Variants in ST3GAL3 observed in about 807,000 individuals in gnomAD.
ST3GAL3 encodes CMP-N-acetylneuraminate-beta-1,4-galactoside alpha-2,3-sialyltransferase.
A neutral mutation model predicts 50.1 loss-of-function variants in ST3GAL3; 21 were observed. That is an observed-to-expected ratio of 0.42 (90% CI 0.30 to 0.60). The LOEUF is 0.60. Among genes scored for constraint, ST3GAL3 ranks in the 20% least tolerant of loss-of-function variants. The probability of loss-of-function intolerance (pLI) is 0.19; values close to 1 mark genes in which losing one functional copy is unlikely to be tolerated. For missense variants in ST3GAL3, 353 were observed against 489.4 expected, an observed-to-expected ratio of 0.72 and a Z score of 2.63; for synonymous variants, 183 against 190.0, an observed-to-expected ratio of 0.96 and a Z score of 0.30.
intron 11 of ST3GAL3, among the ~76,000 whole-genome samples, chr1:43,926,050 T>C (rs2485991): frequency 0.17 from 25,490 of 152,056 alleles, 2,686 homozygotes; most frequent in African/African-American, 0.29. Flanking sequence ...TCTCTCAGGA[T>C]GCTTGGAAGA....
At position 43,794,836 on chromosome 1, in the gene ST3GAL3, C is replaced by A. The variant is rs183525118; in HGVS notation, c.166+2687C>A. On this transcript the variant is annotated intron_variant, in intron 3 of 11. Transcript: ENST00000347631. ...CAAAACAGTACATACTGTGTTTATC[C>A]TTTCATAAAAAGTTCAAAAACAAAT... is the stretch of plus-strand genomic sequence containing the variant. Among the ~76,000 whole-genome samples the A allele has an allele frequency of 3.1e-3, 474 of 152,144 alleles. 2 individuals carry two copies. Among genetic ancestry groups the A allele is most frequent in the Non-Finnish European group, 5.6e-3 (380 of 67,990 alleles).
intron 2 of ST3GAL3, among the ~76,000 whole-genome samples, chr1:43,741,421 G>T (rs886243699): frequency 1.3e-5 from 2 of 152,160 alleles, no homozygotes; most frequent in Admixed American, 6.5e-5. Flanking sequence ...ATTTATAAAA[G>T]ATTATAACCA....
intron 1 of ST3GAL3, among the ~76,000 whole-genome samples, chr1:43,714,654 A>G (rs907245816): frequency 6.6e-6 from 1 of 152,142 alleles, no homozygotes; most frequent in African/African-American, 2.4e-5. Flanking sequence ...TTTATATGGC[A>G]TTTAGCTATT....
chr1:43,710,042 G>C (rs547773355), intron 1 of ST3GAL3, among the ~76,000 whole-genome samples: 34 of 152,030 alleles, frequency 2.2e-4, no homozygotes, highest in African/African-American at 8.2e-4. Flanking sequence ...TTTTTGGTTG[G>C]GTGCCAGGTC....
At chr1:43,757,815 C>G (rs1688673124) in intron 2 of ST3GAL3, among the ~76,000 whole-genome samples, 1 of 151,930 alleles carries the variant, frequency 6.6e-6, no homozygotes, top group Non-Finnish European at 1.5e-5. Flanking sequence ...GCTCTTTAAA[C>G]AACACTGTTA....
At chr1:43,749,776 A>C (rs1685304100) in intron 2 of ST3GAL3, among the ~76,000 whole-genome samples, 1 of 152,244 alleles carries the variant, frequency 6.6e-6, no homozygotes, top group Non-Finnish European at 1.5e-5. Context: ...TGATTGGGTC[A>C]TGAGTGCTCT....
chr1:43,735,176 A>T (rs1023757199), intron 1 of ST3GAL3, among the ~76,000 whole-genome samples: 11 of 152,186 alleles, frequency 7.2e-5, no homozygotes, highest in African/African-American at 2.7e-4. Context: ...TGAGAATTGA[A>T]TGAAAGCTAT....
At chr1:43,846,354 T>A (rs1163052439) in intron 5 of ST3GAL3, among the ~76,000 whole-genome samples, 1 of 152,196 alleles carries the variant, frequency 6.6e-6, no homozygotes, top group Non-Finnish European at 1.5e-5. Context: ...TCCCTTTTTC[T>A]TATTGATAGT....
At chr1:43,748,218 A>G (rs769360944) in intron 2 of ST3GAL3, among the ~76,000 whole-genome samples, 1 of 152,176 alleles carries the variant, frequency 6.6e-6, no homozygotes, top group Non-Finnish European at 1.5e-5. Context: ...AGAAAATAAG[A>G]TTAAACAACA....
At chr1:43,851,550 T>G in intron 5 of ST3GAL3, 5 of 1,584,760 alleles carry the variant, frequency 3.2e-6, no homozygotes, top group African/African-American at 2.7e-5. Context: ...GCCTAGGGCC[T>G]CCAAAACTGC....
At position 43,797,260 on chromosome 1, in the gene ST3GAL3, G is replaced by C. The variant is rs2058783496; in HGVS notation, c.166+5111G>C. Among the ~76,000 whole-genome samples, 3 of 152,118 alleles carry C rather than the reference G, an allele frequency of 2.0e-5. No individual in the cohort carries two copies. In the South Asian group the frequency reaches 6.2e-4, roughly 32 times the overall value. On this transcript the variant is annotated intron_variant, in intron 3 of 11. Transcript: ENST00000347631. ...GAAGGTCTTAGCAAACAAAAAAAGA[G>C]GAAGAAAATATAAAGAAGAACCAAA... is the stretch of plus-strand genomic sequence containing the variant.
At chr1:43,747,725 C>T (rs796441488) in intron 2 of ST3GAL3, among the ~76,000 whole-genome samples, 7 of 151,714 alleles carry the variant, frequency 4.6e-5, no homozygotes, top group African/African-American at 7.3e-5. Flanking sequence ...GGATTACAGG[C>T]GCCCACCACC....
At chr1:43,832,104 G>A (rs945886747) in intron 4 of ST3GAL3, among the ~76,000 whole-genome samples, 26 of 152,300 alleles carry the variant, frequency 1.7e-4, no homozygotes, top group African/African-American at 6.3e-4. Context: ...AGTCACAGCA[G>A]ATCTCTGGTG....
intron 4 of ST3GAL3, among the ~76,000 whole-genome samples, chr1:43,816,540 G>A (rs2061269694): frequency 6.6e-6 from 1 of 152,172 alleles, no homozygotes; most frequent in Admixed American, 6.5e-5. Flanking sequence ...CCGTAAGCAA[G>A]TGAAATGCCA....
intron 2 of ST3GAL3, among the ~76,000 whole-genome samples, chr1:43,747,058 G>A (rs539477239): frequency 1.4e-4 from 21 of 152,022 alleles, no homozygotes; most frequent in African/African-American, 4.3e-4. Context: ...GAGCCACTGC[G>A]CCTGGCCTAA....
chr1:43,797,980 T>G (rs2058874822), intron 3 of ST3GAL3, among the ~76,000 whole-genome samples: 1 of 152,226 alleles, frequency 6.6e-6, no homozygotes, highest in East Asian at 1.9e-4. Context: ...ACATAGCAGC[T>G]TCCCGAAACC....
rs1231033011 is a variant in ST3GAL3 at position 43,899,905 on chromosome 1, G to A, written c.744+178G>A. 1.3e-5 allele frequency among the ~76,000 whole-genome samples: 2 copies of A among 152,098 alleles called. No homozygotes were observed. The highest frequency in any genetic ancestry group is 2.4e-5 in the African/African-American group (1 of 41,404). The stretch of plus-strand genomic sequence containing the variant: ...GGGCAAAGAGGTCAGGAGATTGCCC[G>A]GGTTACTGGCCAAACTCCAGGAGCC... On this transcript the variant is annotated intron_variant, in intron 9 of 11. Transcript: ENST00000347631. The surrounding 1 kb of genome is among the most constrained non-coding windows in gnomAD (Gnocchi z 5.4).
At chr1:43,762,068 C>T (rs996596273) in intron 2 of ST3GAL3, among the ~76,000 whole-genome samples, 2 of 150,838 alleles carry the variant, frequency 1.3e-5, no homozygotes, top group African/African-American at 4.9e-5. Flanking sequence ...AAGTTTGAGA[C>T]CAGACTGGGG....
chr1:43,747,409 C>A (rs1684207391), intron 2 of ST3GAL3, among the ~76,000 whole-genome samples: 2 of 151,852 alleles, frequency 1.3e-5, no homozygotes, highest in African/African-American at 4.8e-5. Context: ...GAGACTCCAT[C>A]TCAAACAAAC....
Sources: gnomAD v4.1 joint callset for allele counts (sites outside exome capture counted in the v4.1 genomes callset) on GRCh38, gnomAD v4.1.1 for gene constraint, Gnocchi (gnomAD v3.1) non-coding constraint, MANE v1.5 for transcripts, NCBI Gene and HGNC (gene_info 2026-07-23, HGNC 2026-07-21) for gene names.